ARHGAP9: variants seen among roughly 807,000 people sequenced by gnomAD.
The protein encoded by ARHGAP9 is rho GTPase-activating protein 9.
ARHGAP9 carries 76 observed loss-of-function variants against 87.3 expected under a neutral mutation model. The ratio of observed to expected loss-of-function variants is 0.87; its 90% CI spans 0.72 to 1.05. The LOEUF (loss-of-function observed/expected upper bound fraction) is 1.05. Among genes scored for constraint, ARHGAP9 ranks in the 50% least tolerant of loss-of-function variants. ARHGAP9 has a pLI of 0.00. For missense variants in ARHGAP9, 941 were observed against 960.5 expected (o/e 0.98, Z 0.27); for synonymous variants, 382 against 394.9 (o/e 0.97, Z 0.39).
In ARHGAP9 at chr12:57,472,288, T is replaced by C; in HGVS notation, c.*229A>G. On this transcript the variant is annotated 3_prime_UTR_variant, in exon 18 of 18. Transcript: ENST00000393791. ...AAAAAATACCATGCCACTTTATGTA[T>C]TATTATGTTGGGGAGGAATGATAAC... is the stretch of plus-strand genomic sequence containing the variant. 1 of 610,448 alleles carries C rather than the reference T, an allele frequency of 1.6e-6. No homozygotes were observed. Among genetic ancestry groups the C allele is most frequent in the Non-Finnish European group, 2.8e-6 (1 of 359,886 alleles). The allele number at this position is 610,448 out of a possible 1,614,324, so 37.8% of individuals were successfully genotyped here. A position where few individuals can be genotyped will look rare whatever the true frequency, so the allele number is the denominator to read the frequency against.
chr12:57,478,389 A>G (rs1455227813), intron 3 of ARHGAP9, 151 bp downstream of exon 3: 5 of 783,946 alleles, frequency 6.4e-6, no homozygotes, highest in Non-Finnish European at 8.0e-6. Flanking sequence ...TCTCCACCAC[A>G]TTAACTTGCC....
chr12:57,473,599 T>A lies in ARHGAP9; in HGVS notation c.2024+4A>T, dbSNP rs1162218697. 2 of 1,611,106 alleles carry A rather than the reference T, an allele frequency of 1.2e-6. No individual in the cohort carries two copies. The highest frequency in any genetic ancestry group is 2.7e-5 in the African/African-American group (2 of 74,846). On this transcript the variant is annotated splice_donor_region_variant and intron_variant, in intron 17 of 17. Transcript: ENST00000393791. ...CATGAACAAAGAGGTTCTGTCTTCC[T>A]GACCTGCATAAATGCTCCAGGAGGT...
chr12:57,479,657 C>A, intron 1 of ARHGAP9, 73 bp downstream of exon 1: 1 of 1,550,030 alleles, frequency 6.5e-7, no homozygotes, highest in South Asian at 1.2e-5. Flanking sequence ...AGGATGTGGT[C>A]AGCAGGGCTG....
chr12:57,473,160 C>T (rs1872397686), intron 17 of ARHGAP9, among the ~76,000 whole-genome samples: 1 of 152,226 alleles, frequency 6.6e-6, no homozygotes, highest in Non-Finnish European at 1.5e-5. Context: ...ACGGTGTAAT[C>T]CCAGCACTTT....
Position 57,475,594 on chromosome 12 carries a change from G to T in ARHGAP9, c.1333C>A (p.Leu445Met). ...GCGGGTCCAGAGCCCGACAGACGCA[G>T]CTCCAGGGGGTTCTCCCGATCCTAG... Reference protein sequence around the residue: ...ERLDRENPLELRLSGSGPAEL... With the variant: ...ERLDRENPLEMRLSGSGPAEL... The change falls in exon 11 of 18, where the codon CTG (leucine) becomes ATG (methionine). Residue 445 changes from leucine to methionine, a missense_variant. By Grantham distance (15) the Leu-to-Met change is conservative. Transcript: ENST00000393791. The T allele has an allele frequency of 6.2e-7, 1 of 1,612,168 alleles. No individual in the cohort carries two copies. Among genetic ancestry groups the T allele is most frequent in the African/African-American group, 1.3e-5 (1 of 75,034 alleles).
At chr12:57,487,366 C>G (rs897423638) in intron 1 of ARHGAP9, 2 of 152,158 alleles carry the variant, frequency 1.3e-5, no homozygotes, top group African/African-American at 4.8e-5. Context: ...ACTCCGAACT[C>G]TAAAACTCTG....
upstream of ARHGAP9, chr12:57,480,182 C>A: frequency 1.6e-5 from 13 of 831,596 alleles, no homozygotes; most frequent in Non-Finnish European, 1.7e-5. Context: ...TGGGTTCATT[C>A]ATGCTTTTTT....
At chr12:57,487,889 G>C (rs1875553636) in intron 1 of ARHGAP9, 14 of 400,070 alleles carry the variant, frequency 3.5e-5, no homozygotes, top group South Asian at 1.7e-4. Flanking sequence ...AGTCTAGCCC[G>C]CATCTGCGGC....
intron 1 of ARHGAP9, chr12:57,488,278 C>A: frequency 7.3e-7 from 1 of 1,378,448 alleles, no homozygotes; most frequent in Non-Finnish European, 1.0e-6. Flanking sequence ...CTGTCTTTGC[C>A]AAACCCCTAG....
Position 57,479,402 on chromosome 12 carries a change from A to G in ARHGAP9, c.5T>C (p.Leu2Pro). The change falls in exon 2 of 18, where the codon CTA (leucine) becomes CCA (proline). Residue 2 changes from leucine (L) to proline (P), a missense_variant. By Grantham distance (98) the Leu-to-Pro change is moderately conservative. Transcript: ENST00000393791. MLSSRWWPSSWG... is the reference protein window; with the variant it reads MPSSRWWPSSWG... Reference sequence around the variant, plus strand: ...GGAACTTGGCCACCACCGGCTGGATAGCATTGTAGCCAGCACTGTCACCTG... The same window carrying G: ...GGAACTTGGCCACCACCGGCTGGATGGCATTGTAGCCAGCACTGTCACCTG... The G allele has an allele frequency of 6.2e-7, 1 of 1,612,608 alleles. No individual in the cohort carries two copies. The highest frequency in any genetic ancestry group is 8.5e-7 in the Non-Finnish European group (1 of 1,179,510).
rs1872099774 is a variant in ARHGAP9 at position 57,472,300 on chromosome 12, G to A, written c.*217C>T. On this transcript the variant is annotated 3_prime_UTR_variant, in exon 18 of 18. Transcript: ENST00000393791. Reference sequence around the variant, plus strand: ...GCCACTTTATGTATTATTATGTTGGGGAGGAATGATAACAGGGAACAAGAA... The same window carrying A: ...GCCACTTTATGTATTATTATGTTGGAGAGGAATGATAACAGGGAACAAGAA... The A allele has an allele frequency of 1.6e-6, 1 of 621,988 alleles. No homozygotes were observed. The highest frequency in any genetic ancestry group is 2.7e-6 in the Non-Finnish European group (1 of 369,188). The allele number at this position is 621,988 out of a possible 1,614,324, so 38.5% of individuals were successfully genotyped here.
intron 1 of ARHGAP9, among the ~76,000 whole-genome samples, chr12:57,485,928 G>C (rs1320527005): frequency 6.6e-6 from 1 of 152,092 alleles, no homozygotes; most frequent in Non-Finnish European, 1.5e-5. Context: ...GGGATTAGCT[G>C]GAGTTGTCAG....
exon 1 of ARHGAP9, chr12:57,488,677 T>G (rs1277751352): frequency 6.5e-7 from 1 of 1,545,468 alleles, no homozygotes; most frequent in African/African-American, 1.4e-5. Context: ...TCTTCTCAGT[T>G]CTTTTAATTT....
In ARHGAP9 at chr12:57,479,742, A is replaced by C. The variant is rs1245596631; in HGVS notation, c.-31T>G. 16 of 1,550,780 alleles carry C rather than the reference A, an allele frequency of 1.0e-5. No homozygotes were observed. The Admixed American group carries it at 3.1e-4, about 30-fold the overall frequency. ...TTCCTCCAAGTACCTTGTGGGGCCCATCAGAAGATTCAGGAGCAGGAGTTG... is the reference window on the plus strand; with the variant it reads ...TTCCTCCAAGTACCTTGTGGGGCCCCTCAGAAGATTCAGGAGCAGGAGTTG... On this transcript the variant is annotated 5_prime_UTR_variant, in exon 1 of 18. The change abolishes an upstream ATG in the 5' untranslated region. Coordinates refer to ENST00000393791, the MANE Select transcript of ARHGAP9 (RefSeq NM_032496.4).
intron 6 of ARHGAP9, 53 bp downstream of exon 6, chr12:57,476,818 G>C (rs1037186745): frequency 1.3e-5 from 20 of 1,533,912 alleles, no homozygotes; most frequent in Middle Eastern, 1.9e-4. Flanking sequence ...CAGGAAAAGG[G>C]GGGAGGGGGG....
chr12:57,472,788 C>G (rs1192156608), intron 17 of ARHGAP9, 100 bp from the exon 18 acceptor site: 5 of 1,283,094 alleles, frequency 3.9e-6, no homozygotes, highest in Non-Finnish European at 5.5e-6. Context: ...AGAGTTCACT[C>G]TGGGATTCCT....
chr12:57,475,207 G>T (rs1873123832), intron 12 of ARHGAP9, 84 bp downstream of exon 12: 2 of 1,375,032 alleles, frequency 1.5e-6, no homozygotes, highest in South Asian at 2.6e-5. Flanking sequence ...AGCAGTCACA[G>T]AAGGTTGTGG....
chr12:57,473,808 C>T, intron 16 of ARHGAP9, 100 bp from the exon 17 acceptor site: 4 of 1,234,240 alleles, frequency 3.2e-6, no homozygotes, highest in Non-Finnish European at 3.5e-6. Context: ...TGGAAGACAT[C>T]ATTAATCTAG....
At position 57,479,844 on chromosome 12, in the gene ARHGAP9, CAG is replaced by C; in HGVS notation, c.-135_-134del. ...GAAAGAATCAGGTTCAAGACAGAAA[CAG>C]GGAGACACAAGGTTAATGACAAAGA... On this transcript the variant is annotated 5_prime_UTR_variant, in exon 1 of 18. Coordinates refer to ENST00000393791, the MANE Select transcript of ARHGAP9 (RefSeq NM_032496.4). 2 of 1,493,964 alleles carry C rather than the reference CAG, an allele frequency of 1.3e-6. No homozygotes were observed. Among genetic ancestry groups the C allele is most frequent in the Non-Finnish European group, 1.8e-6 (2 of 1,120,502 alleles). The allele number at this position is 1,493,964 out of a possible 1,614,324, so 92.5% of individuals were successfully genotyped here. A position where few individuals can be genotyped will look rare whatever the true frequency, so the allele number is the denominator to read the frequency against.
Sources: gnomAD v4.1 joint callset for allele counts (sites outside exome capture counted in the v4.1 genomes callset) on GRCh38, gnomAD v4.1.1 for gene constraint, MANE v1.5 for transcripts, NCBI Gene and HGNC (gene_info 2026-07-23, HGNC 2026-07-21) for gene names.